Variants in DACH2 observed in about 807,000 individuals in gnomAD.
DACH2 encodes dachshund homolog 2.
A neutral mutation model predicts 35.8 loss-of-function variants in DACH2; 17 were observed. The observed-to-expected ratio is 0.48, with a 90% confidence interval of 0.33 to 0.71. DACH2 has a LOEUF of 0.71. Among genes scored for constraint, DACH2 ranks in the 30% least tolerant of loss-of-function variants. DACH2 has a pLI of 0.02. For synonymous variants in DACH2, 195 were observed against 177.3 expected (o/e 1.10, Z -0.79); for missense variants, 469 against 472.7 (o/e 0.99, Z 0.07).
intron 1 of DACH2, among the ~76,000 whole-genome samples, chrX:86,284,459 C>CT (rs1338125321): frequency 1.8e-5 from 2 of 111,269 alleles, no homozygotes; most frequent in Non-Finnish European, 3.8e-5. Flanking sequence ...GATAAATGAT[C>CT]TTTTACGTTT....
Position 86,818,623 on chromosome X carries a change from AC to A in DACH2, c.1750+2526del, listed in dbSNP as rs996049877. ...TTTAATCTTTTCCATCTCCCTTGAA[AC>A]CTGTTTTTTAACTTGGAAGATCATT... is the stretch of plus-strand genomic sequence containing the variant. On this transcript the variant is annotated intron_variant, in intron 11 of 11. Coordinates refer to ENST00000373125, the MANE Select transcript of DACH2 (RefSeq NM_053281.3). Among the ~76,000 whole-genome samples the A allele has an allele frequency of 2.7e-5, 3 of 110,439 alleles. No individual in the cohort carries two copies. The Admixed American group carries it at 2.9e-4, about 11-fold the overall frequency.
At chrX:86,244,605 C>A (rs751730390) in intron 1 of DACH2, among the ~76,000 whole-genome samples, 2 of 111,489 alleles carry the variant, frequency 1.8e-5, no homozygotes, top group Non-Finnish European at 3.8e-5. Flanking sequence ...TAGAGTGAGA[C>A]GCCATCTCTA....
chrX:86,522,828 G>C (rs1051200654), intron 3 of DACH2, among the ~76,000 whole-genome samples: 45 of 111,623 alleles, frequency 4.0e-4, no homozygotes, highest in African/African-American at 1.3e-3. Context: ...GGGAGAAAAG[G>C]AGAGGGAATA....
intron 4 of DACH2, among the ~76,000 whole-genome samples, chrX:86,667,548 G>A (rs200822303): frequency 0.018 from 454 of 25,327 alleles, no homozygotes; most frequent in East Asian, 0.019. Context: ...AAAGAAAGAA[G>A]AAAGAAAGAA....
chrX:86,442,388 TATG>T (rs1256503803), intron 2 of DACH2, among the ~76,000 whole-genome samples: 2 of 101,072 alleles, frequency 2.0e-5, no homozygotes, highest in East Asian at 3.4e-4. Flanking sequence ...TGTGTGTGTG[TATG>T]TTTTTTTTTT....
chrX:86,660,194 G>A (rs892517419), intron 4 of DACH2, among the ~76,000 whole-genome samples: 9 of 111,351 alleles, frequency 8.1e-5, no homozygotes, highest in African/African-American at 2.9e-4. Flanking sequence ...ACAATATATT[G>A]ATGAGCCAAT....
At chrX:86,797,507 G>A (rs753518533) in intron 7 of DACH2, among the ~76,000 whole-genome samples, 36 of 111,044 alleles carry the variant, frequency 3.2e-4, no homozygotes, top group Non-Finnish European at 5.1e-4. Flanking sequence ...AGTGAAACAT[G>A]TCTGTAGTGT....
At chrX:86,573,310 G>A (rs1170125265) in intron 3 of DACH2, among the ~76,000 whole-genome samples, 1 of 111,415 alleles carries the variant, frequency 9.0e-6, no homozygotes, top group African/African-American at 3.3e-5. Context: ...ACTGAAGAGT[G>A]TATGCTCCTA....
chrX:86,791,705 T>C (rs1335348198), intron 7 of DACH2, among the ~76,000 whole-genome samples: 1 of 111,840 alleles, frequency 8.9e-6, no homozygotes, highest in Non-Finnish European at 1.9e-5. Context: ...AACAGATATT[T>C]ATTGAATGTC....
intron 5 of DACH2, among the ~76,000 whole-genome samples, chrX:86,709,050 G>C (rs2148456280): frequency 9.0e-6 from 1 of 111,560 alleles, no homozygotes; most frequent in South Asian, 3.7e-4. Context: ...TACTCACATA[G>C]TGATTCCAAC....
Position 86,201,620 on chromosome X carries a change from CA to C in DACH2, c.488+52519del, listed in dbSNP as rs776904892. Reference sequence around the variant, plus strand: ...TTCATATTTAATATTAAATATTTAACAAAAAAAGTTTATGGAATGAAAATGA... The same window carrying C: ...TTCATATTTAATATTAAATATTTAACAAAAAAGTTTATGGAATGAAAATGA... On this transcript the variant is annotated intron_variant, in intron 1 of 11. Transcript: ENST00000373125. Among the ~76,000 whole-genome samples, 11 of 109,915 alleles carry C rather than the reference CA, an allele frequency of 1.0e-4. No individual in the cohort carries two copies. In the South Asian group the frequency reaches 1.1e-3, roughly 11 times the overall value.
At chrX:86,598,798 C>A (rs201391995) in intron 3 of DACH2, among the ~76,000 whole-genome samples, 4 of 100,354 alleles carry the variant, frequency 4.0e-5, no homozygotes, top group South Asian at 4.5e-4. Flanking sequence ...GTTTTCTTTT[C>A]TTTTTTTTTT....
chrX:86,211,133 C>T (rs992580254), intron 1 of DACH2, among the ~76,000 whole-genome samples: 1 of 110,950 alleles, frequency 9.0e-6, no homozygotes, highest in Non-Finnish European at 1.9e-5. Context: ...TTCTGATGAG[C>T]CACAGAAAAG....
At chrX:86,438,053 G>T (rs1368110855) in intron 2 of DACH2, among the ~76,000 whole-genome samples, 1 of 108,192 alleles carries the variant, frequency 9.2e-6, no homozygotes, top group Admixed American at 1.0e-4. Flanking sequence ...CCTCCAACAG[G>T]CTCCAGGGTG....
At chrX:86,596,901 C>T (rs1328927638) in intron 3 of DACH2, among the ~76,000 whole-genome samples, 1 of 110,852 alleles carries the variant, frequency 9.0e-6, no homozygotes, top group African/African-American at 3.3e-5. Flanking sequence ...TTTTTTTCCC[C>T]ATTGAGTGTC....
At chrX:86,594,563 C>CT (rs200406908) in intron 3 of DACH2, among the ~76,000 whole-genome samples, 6 of 109,734 alleles carry the variant, frequency 5.5e-5, no homozygotes, top group South Asian at 3.8e-4. Flanking sequence ...TATCTTGAAA[C>CT]TTTTTTTTTC....
intron 7 of DACH2, among the ~76,000 whole-genome samples, chrX:86,758,070 A>G (rs1055683342): frequency 5.4e-5 from 6 of 111,749 alleles, no homozygotes; most frequent in Non-Finnish European, 1.1e-4. Flanking sequence ...AGCATCTCTG[A>G]TAATATTTTA....
At chrX:86,185,992 C>T (rs899292971) in intron 1 of DACH2, among the ~76,000 whole-genome samples, 1 of 112,309 alleles carries the variant, frequency 8.9e-6, no homozygotes, top group Admixed American at 9.4e-5. Context: ...CCTCACAAAA[C>T]CTTACAAGTT....
At chrX:86,580,048 C>T (rs772201883) in intron 3 of DACH2, among the ~76,000 whole-genome samples, 104 of 111,110 alleles carry the variant, frequency 9.4e-4, no homozygotes, top group African/African-American at 3.2e-3. Context: ...CTTGAGGGGC[C>T]AGTGAACAAA....
Sources: gnomAD v4.1 joint callset for allele counts (sites outside exome capture counted in the v4.1 genomes callset) on GRCh38, gnomAD v4.1.1 for gene constraint, MANE v1.5 for transcripts, NCBI Gene and HGNC (gene_info 2026-07-23, HGNC 2026-07-21) for gene names.